The following CPNE4 variants were observed in gnomAD, a reference collection of about 807,000 sequenced individuals.
The protein encoded by CPNE4 is copine-4.
CPNE4 carries 25 observed loss-of-function variants against 67.9 expected under a neutral mutation model. The ratio of observed to expected loss-of-function variants is 0.37; its 90% CI spans 0.27 to 0.51. The LOEUF is 0.51. CPNE4 is among the 20% of genes least tolerant of loss of function. The probability of loss-of-function intolerance (pLI) is 0.93; values close to 1 mark genes in which losing one functional copy is unlikely to be tolerated. For missense variants in CPNE4, 464 were observed against 690.8 expected (o/e 0.67, Z 3.68); for synonymous variants, 242 against 244.9 (o/e 0.99, Z 0.11).
rs1482215992 is a variant in CPNE4 at position 131,709,528 on chromosome 3, T to C, written c.361-9548A>G. Among the ~76,000 whole-genome samples, 8 of 152,166 alleles carry C rather than the reference T, an allele frequency of 5.3e-5. No individual in the cohort carries two copies. In the South Asian group the frequency reaches 6.2e-4, roughly 12 times the overall value. On this transcript the variant is annotated intron_variant, in intron 3 of 15. Coordinates refer to ENST00000429747, the MANE Select transcript of CPNE4 (RefSeq NM_130808.3). Reference sequence around the variant, plus strand: ...TCTCAGCAATCAGCCATTCTCTAAATCTTGTGTTAAAAGTGCTGGCAAAGA... The same window carrying C: ...TCTCAGCAATCAGCCATTCTCTAAACCTTGTGTTAAAAGTGCTGGCAAAGA...
intron 1 of CPNE4, among the ~76,000 whole-genome samples, chr3:131,933,369 G>C (rs373038593): frequency 3.3e-5 from 5 of 152,272 alleles, no homozygotes; most frequent in East Asian, 1.9e-4. Context: ...AATTTGAGAG[G>C]CTTCGTGAAA....
chr3:131,896,978 G>C (rs930948405), intron 2 of CPNE4, among the ~76,000 whole-genome samples: 2 of 152,068 alleles, frequency 1.3e-5, no homozygotes, highest in Admixed American at 6.6e-5. Flanking sequence ...AGAAGTAAAT[G>C]CTGGATACAA....
intron 2 of CPNE4, among the ~76,000 whole-genome samples, chr3:131,777,468 A>G (rs2083318565): frequency 6.6e-6 from 1 of 151,976 alleles, no homozygotes; most frequent in South Asian, 2.1e-4. Flanking sequence ...GGAATGGCTA[A>G]AGAATAGGAA....
At position 131,737,115 on chromosome 3, in the gene CPNE4, C is replaced by CTTTTTTTTTTTTTTTTTTTTTT. The variant is rs71788145; in HGVS notation, c.181-13512_181-13491dup. Among the ~76,000 whole-genome samples, 113 of 49,402 alleles carry CTTTTTTTTTTTTTTTTTTTTTT rather than the reference C, an allele frequency of 2.3e-3. 18 individuals carry two copies. Among genetic ancestry groups the CTTTTTTTTTTTTTTTTTTTTTT allele is most frequent in the East Asian group, 6.9e-3 (8 of 1,156 alleles). The allele number at this position is 49,402 out of a possible 152,430, so 32.4% of individuals were successfully genotyped here. On this transcript the variant is annotated intron_variant, in intron 2 of 15. Transcript: ENST00000429747. Reference sequence around the variant, plus strand: ...TGCCTCTTTTTATGAAGTATTGTGTCTTTTTTTTTTTTTTTTTTTTTTTTT... The same window carrying CTTTTTTTTTTTTTTTTTTTTTT: ...TGCCTCTTTTTATGAAGTATTGTGTCTTTTTTTTTTTTTTTTTTTTTTTTTTTTTTTTTTTTTTTTTTTTTTT...
At chr3:131,801,452 G>GTGTATATATATATATATATA (rs761978890) in intron 2 of CPNE4, among the ~76,000 whole-genome samples, 25 of 53,336 alleles carry the variant, frequency 4.7e-4, no homozygotes, top group Non-Finnish European at 6.1e-4. Flanking sequence ...GTGTGTGTGT[G>GTGTATATATATATATATATA]TATATATATA....
At chr3:131,591,577 A>G (rs1223986878) in intron 7 of CPNE4, among the ~76,000 whole-genome samples, 2 of 152,262 alleles carry the variant, frequency 1.3e-5, no homozygotes, top group East Asian at 3.9e-4. Flanking sequence ...GAGCTGGAGG[A>G]TGAGTCAGGC....
At chr3:132,008,830 T>C (rs1162095788) in intron 1 of CPNE4, among the ~76,000 whole-genome samples, 1 of 152,126 alleles carries the variant, frequency 6.6e-6, no homozygotes, top group Non-Finnish European at 1.5e-5. Context: ...AAGAAGGAGA[T>C]GTCTCACTCT....
intron 10 of CPNE4, among the ~76,000 whole-genome samples, chr3:131,571,359 G>C (rs1937326701): frequency 6.6e-6 from 1 of 151,884 alleles, no homozygotes; most frequent in African/African-American, 2.4e-5. Flanking sequence ...CTCATCCAAA[G>C]CCACATACAT....
rs1934995304 is a variant in CPNE4 at position 131,533,643 on chromosome 3, CCATCA to C, written c.*1547_*1551del. On this transcript the variant is annotated 3_prime_UTR_variant, in exon 16 of 16. Transcript: ENST00000429747. ...TGATTTTTTCAGTCATACAATTTTACCATCATTCCCAAAATGTTGTGCATTTGGTG... is the reference window on the plus strand; with the variant it reads ...TGATTTTTTCAGTCATACAATTTTACTTCCCAAAATGTTGTGCATTTGGTG... 3 of 152,164 alleles carry C rather than the reference CCATCA, an allele frequency of 2.0e-5. No individual in the cohort carries two copies. The highest frequency in any genetic ancestry group is 7.2e-5 in the African/African-American group (3 of 41,448). The allele number at this position is 152,164 out of a possible 1,614,324, so 9.4% of individuals were successfully genotyped here.
chr3:131,812,019 G>T (rs2084549135), intron 2 of CPNE4, among the ~76,000 whole-genome samples: 1 of 152,100 alleles, frequency 6.6e-6, no homozygotes. Context: ...GTCCATGAAG[G>T]AGGGCTTGGA....
At position 131,989,502 on chromosome 3, in the gene CPNE4, G is replaced by A. The variant is rs141238137; in HGVS notation, c.-2+45065C>T. 3.6e-4 allele frequency among the ~76,000 whole-genome samples: 32 copies of A among 90,064 alleles called. 2 individuals carry two copies. The highest frequency in any genetic ancestry group is 8.0e-4 in the African/African-American group (29 of 36,358). The allele number at this position is 90,064 out of a possible 152,430, so 59.1% of individuals were successfully genotyped here. ...ATGGCCAAAGAATTGCGCAAGTTTG[G>A]GAACCTGTAAACCAAGAGTCCTACC... On this transcript the variant is annotated intron_variant, in intron 1 of 15. Coordinates refer to ENST00000429747, the MANE Select transcript of CPNE4 (RefSeq NM_130808.3).
At chr3:131,700,988 G>A (rs567719680) in intron 3 of CPNE4, among the ~76,000 whole-genome samples, 15 of 151,134 alleles carry the variant, frequency 9.9e-5, no homozygotes, top group Admixed American at 2.0e-4. Context: ...GCAAACTATC[G>A]CAAGGACAAA....
intron 2 of CPNE4, among the ~76,000 whole-genome samples, chr3:131,813,005 G>A (rs1220330393): frequency 6.6e-6 from 1 of 152,072 alleles, no homozygotes; most frequent in Admixed American, 6.6e-5. Context: ...TTATTCTGAG[G>A]TTAAAATCTG....
chr3:131,773,951 G>C (rs1294236017), intron 2 of CPNE4, among the ~76,000 whole-genome samples: 1 of 151,982 alleles, frequency 6.6e-6, no homozygotes, highest in African/African-American at 2.4e-5. Flanking sequence ...TCCTATTGCT[G>C]GACATTTTCA....
intron 2 of CPNE4, among the ~76,000 whole-genome samples, chr3:131,859,041 T>C (rs1240726798): frequency 6.6e-6 from 1 of 152,152 alleles, no homozygotes; most frequent in African/African-American, 2.4e-5. Context: ...GCTGTGGGAA[T>C]GATATTATTA....
intron 2 of CPNE4, among the ~76,000 whole-genome samples, chr3:131,881,951 T>A (rs1426518560): frequency 6.6e-6 from 1 of 152,182 alleles, no homozygotes; most frequent in Non-Finnish European, 1.5e-5. Context: ...TGTCACAATA[T>A]TTTTCTTCCT....
chr3:131,717,854 C>CTCCCTTTCTTTCCTCCT (rs2081742145), intron 3 of CPNE4, among the ~76,000 whole-genome samples: 1 of 152 alleles, frequency 6.6e-3, no homozygotes, highest in Non-Finnish European at 0.062. Context: ...TCCTTCCTCG[C>CTCCCTTTCTTTCCTCCT]TCCCTCCTTT....
At chr3:131,750,716 A>G (rs2082605206) in intron 2 of CPNE4, among the ~76,000 whole-genome samples, 1 of 152,036 alleles carries the variant, frequency 6.6e-6, no homozygotes, top group South Asian at 2.1e-4. Context: ...AAAAATGCCT[A>G]TTATTTTTCT....
At chr3:132,027,441 G>T (rs369321186) in intron 1 of CPNE4, among the ~76,000 whole-genome samples, 28 of 152,012 alleles carry the variant, frequency 1.8e-4, no homozygotes, top group East Asian at 1.2e-3. Context: ...ATTAAATCAG[G>T]TTAGGAGCTA....
Sources: allele counts gnomAD v4.1 joint callset (sites outside exome capture counted in the v4.1 genomes callset), GRCh38; gene constraint gnomAD v4.1.1; transcripts MANE v1.5; gene names NCBI Gene and HGNC (gene_info 2026-07-23, HGNC 2026-07-21).